Variants in UGT1A4 observed in about 807,000 individuals in gnomAD.
UGT1A4 encodes the protein UDP glucuronosyltransferase family 1 member A4, also known as UDP-glucuronosyltransferase 1A4.
UGT1A4 carries 32 observed loss-of-function variants against 41.1 expected under a neutral mutation model. The observed-to-expected ratio is 0.78, with a 90% CI of 0.59 to 1.05. The LOEUF is 1.05. Ranked by LOEUF, UGT1A4 falls within the 50% of genes least tolerant of loss-of-function variation. UGT1A4 has a pLI of 0.00. For missense variants in UGT1A4, 748 were observed against 677.4 expected (o/e 1.10, Z -1.16); for synonymous variants, 283 against 265.1 (o/e 1.07, Z -0.66).
chr2:233,763,841 T>C (rs1452550547), intron 1 of UGT1A4, among the ~76,000 whole-genome samples: 1 of 152,178 alleles, frequency 6.6e-6, no homozygotes, highest in Admixed American at 6.5e-5. Context: ...CAGGGTAAGA[T>C]AGCAGTGGTT....
chr2:233,754,914 A>T, intron 1 of UGT1A4: 1 of 1,353,596 alleles, frequency 7.4e-7, no homozygotes. Flanking sequence ...AATATTCTCC[A>T]GCGGGTTTCC....
intron 1 of UGT1A4, among the ~76,000 whole-genome samples, chr2:233,752,077 C>T (rs1281273194): frequency 6.6e-6 from 1 of 152,216 alleles, no homozygotes; most frequent in Non-Finnish European, 1.5e-5. Context: ...GGAAGTCTCT[C>T]TACCTGTTTG....
At chr2:233,744,264 T>C (rs1692755909) in intron 1 of UGT1A4, among the ~76,000 whole-genome samples, 2 of 151,788 alleles carry the variant, frequency 1.3e-5, no homozygotes, top group Admixed American at 1.3e-4. Flanking sequence ...CTGTTTTTCT[T>C]AAAGTAGGCT....
At chr2:233,760,344 G>C (rs897355036) in intron 1 of UGT1A4, 1 of 1,614,032 alleles carries the variant, frequency 6.2e-7, no homozygotes. Context: ...TGCTGTGTGT[G>C]CTGGGCCCAG....
intron 1 of UGT1A4, among the ~76,000 whole-genome samples, chr2:233,720,962 C>T (rs370196629): frequency 1.3e-4 from 20 of 151,468 alleles, no homozygotes; most frequent in African/African-American, 2.7e-4. Flanking sequence ...CTGCCCGCCT[C>T]GGCCTCCCAA....
rs191241107 is a variant in UGT1A4, at chr2:233,721,753, T to C, written c.867+2066T>C. The C allele has an allele frequency of 4.9e-4, 222 of 457,372 alleles. 1 individual carries two copies. The highest frequency in any genetic ancestry group is 3.1e-3 in the Admixed American group (134 of 43,562). The allele number at this position is 457,372 out of a possible 1,614,324, so 28.3% of individuals were successfully genotyped here. A position where few individuals can be genotyped will look rare whatever the true frequency, so the allele number is the denominator to read the frequency against. ...AAGCTTAATGATGAGAGAATCTACATCTAAATTGTTATATTTAGCATTATT... is the reference window on the plus strand; with the variant it reads ...AAGCTTAATGATGAGAGAATCTACACCTAAATTGTTATATTTAGCATTATT... On this transcript the variant is annotated intron_variant, in intron 1 of 4. Transcript: ENST00000373409.
At chr2:233,755,480 A>T (rs574050472) in intron 1 of UGT1A4, 1 of 211,322 alleles carries the variant, frequency 4.7e-6, no homozygotes, top group Non-Finnish European at 9.7e-6. Flanking sequence ...AGGCTCTGTG[A>T]GGCCCTGTGA....
chr2:233,724,330 C>A (rs1214568164), intron 1 of UGT1A4, among the ~76,000 whole-genome samples: 2 of 122,004 alleles, frequency 1.6e-5, no homozygotes, highest in African/African-American at 6.2e-5. Context: ...GCTGGCCAGG[C>A]GGGGGGCTGA....
In UGT1A4 at chr2:233,719,414, A is replaced by G. The variant is rs1348956274; in HGVS notation, c.594A>G (p.Leu198=). 9 of 1,613,880 alleles carry G rather than the reference A, an allele frequency of 5.6e-6. No homozygotes were observed. The highest frequency in any genetic ancestry group is 7.6e-6 in the Non-Finnish European group (9 of 1,179,882). ...CTTCCTCCTATATTCCTAAGTTACT[A>G]ACGACCAATTCAGACCACATGACAT... ...PNPSSYIPKL[L]TTNSDHMTFL... Residue 198 remains leucine, a synonymous_variant, in exon 1 of 5, where the codon CTA becomes CTG. Coordinates refer to ENST00000373409, the MANE Select transcript of UGT1A4 (RefSeq NM_007120.3).
At chr2:233,732,951 G>A (rs1167941280) in intron 1 of UGT1A4, among the ~76,000 whole-genome samples, 3 of 152,104 alleles carry the variant, frequency 2.0e-5, no homozygotes, top group Admixed American at 6.5e-5. Context: ...AGCATGGAAT[G>A]TTCTTCCATT....
intron 1 of UGT1A4, among the ~76,000 whole-genome samples, chr2:233,758,641 A>G (rs1696933975): frequency 6.6e-6 from 1 of 152,212 alleles, no homozygotes; most frequent in Non-Finnish European, 1.5e-5. Flanking sequence ...TCTAAGGAGA[A>G]GAATGAGAGG....
intron 1 of UGT1A4, among the ~76,000 whole-genome samples, chr2:233,720,765 G>A (rs924654147): frequency 1.3e-5 from 2 of 151,260 alleles, no homozygotes; most frequent in African/African-American, 4.9e-5. Context: ...GAGGGCAGTG[G>A]CCGGATCTCC....
At chr2:233,720,900 G>A (rs2076906237) in intron 1 of UGT1A4, among the ~76,000 whole-genome samples, 1 of 144,530 alleles carries the variant, frequency 6.9e-6, no homozygotes, top group Non-Finnish European at 1.5e-5. Flanking sequence ...TAGTAGAGAT[G>A]AGGTTTCGCA....
intron 1 of UGT1A4, among the ~76,000 whole-genome samples, chr2:233,745,444 A>G (rs1693107566): frequency 6.6e-6 from 1 of 151,758 alleles, no homozygotes; most frequent in Non-Finnish European, 1.5e-5. Flanking sequence ...ATACACTAGT[A>G]AAGGTCACTC....
chr2:233,724,180 C>A (rs1179896471), intron 1 of UGT1A4, among the ~76,000 whole-genome samples: 6 of 128,866 alleles, frequency 4.7e-5, no homozygotes, highest in Non-Finnish European at 8.1e-5. Context: ...CCATCTCCCT[C>A]CCGGACGGGG....
intron 1 of UGT1A4, chr2:233,747,248 T>G: frequency 3.1e-6 from 5 of 1,601,666 alleles, no homozygotes; most frequent in Non-Finnish European, 4.3e-6. Context: ...CTGCTGTGGC[T>G]GGCCACAGGA....
At chr2:233,768,033 A>C in intron 3 of UGT1A4, 97 bp downstream of exon 3, 1 of 1,612,338 alleles carries the variant, frequency 6.2e-7, no homozygotes, top group South Asian at 1.1e-5. Flanking sequence ...GCTTGAAAAT[A>C]TTATGGCCAA....
intron 1 of UGT1A4, among the ~76,000 whole-genome samples, chr2:233,766,606 C>T (rs961105676): frequency 6.6e-6 from 1 of 152,198 alleles, no homozygotes; most frequent in Non-Finnish European, 1.5e-5. Context: ...GGACCACACC[C>T]TCTTCTACCC....
Position 233,750,047 on chromosome 2 carries a change from G to A in UGT1A4, c.868-16987G>A, listed in dbSNP as rs570611446. Among the ~76,000 whole-genome samples the A allele has an allele frequency of 7.3e-4, 111 of 151,986 alleles. 3 individuals are homozygous for A. Among genetic ancestry groups the A allele is most frequent in the Non-Finnish European group, 1.1e-3 (77 of 68,028 alleles). ...CTGCTATAAAGATACTTGAAAATGT[G>A]GAAGTGACTTTGGAACTGGGTAACA... On this transcript the variant is annotated intron_variant, in intron 1 of 4. Transcript: ENST00000373409.
Sources: allele counts gnomAD v4.1 joint callset (sites outside exome capture counted in the v4.1 genomes callset), GRCh38; gene constraint gnomAD v4.1.1; transcripts MANE v1.5; gene names NCBI Gene and HGNC (gene_info 2026-07-23, HGNC 2026-07-21).